PCYT1B: variants seen among roughly 807,000 people sequenced by gnomAD.
PCYT1B encodes choline-phosphate cytidylyltransferase B.
PCYT1B carries 10 observed loss-of-function variants against 26.4 expected under a neutral mutation model. The ratio of observed to expected loss-of-function variants is 0.38; its 90% CI spans 0.23 to 0.64. The LOEUF is 0.64. Ranked by LOEUF, PCYT1B falls within the 30% of genes least tolerant of loss-of-function variation. The probability of loss-of-function intolerance (pLI) is 0.56; values close to 1 mark genes in which losing one functional copy is unlikely to be tolerated. For synonymous variants in PCYT1B, 131 were observed against 108.4 expected (o/e 1.21, Z -1.29); for missense variants, 161 against 292.7 (o/e 0.55, Z 3.28).
chrX:24,573,097 TAC>T (rs1923895666), intron 7 of PCYT1B, among the ~76,000 whole-genome samples: 1 of 99,900 alleles, frequency 1.0e-5, no homozygotes, highest in African/African-American at 3.7e-5. Context: ...TACACACATA[TAC>T]ACACACATAT....
At chrX:24,570,013 A>G (rs1230118813) in intron 7 of PCYT1B, among the ~76,000 whole-genome samples, 1 of 108,825 alleles carries the variant, frequency 9.2e-6, no homozygotes, top group East Asian at 2.9e-4. Flanking sequence ...GCAAAACCCC[A>G]CCTCTACTAA....
chrX:24,625,298 G>A (rs1366418453), intron 1 of PCYT1B, among the ~76,000 whole-genome samples: 2 of 112,066 alleles, frequency 1.8e-5, no homozygotes, highest in Non-Finnish European at 3.8e-5. Context: ...ATACTGTTAG[G>A]TTTATATTTA....
chrX:24,627,174 T>C (rs1925909301), intron 1 of PCYT1B, among the ~76,000 whole-genome samples: 1 of 111,853 alleles, frequency 8.9e-6, no homozygotes, highest in South Asian at 3.7e-4. Context: ...CAGGAATAAC[T>C]AGAAGGCCAG....
At chrX:24,666,627 G>A (rs957839921) in intron 1 of PCYT1B, among the ~76,000 whole-genome samples, 1 of 110,361 alleles carries the variant, frequency 9.1e-6, no homozygotes, top group East Asian at 2.8e-4. Context: ...GTGTGTGTGT[G>A]TGTGTGTGTG....
intron 1 of PCYT1B, among the ~76,000 whole-genome samples, chrX:24,670,708 T>C (rs1242227845): frequency 8.9e-6 from 1 of 111,760 alleles, no homozygotes; most frequent in Non-Finnish European, 1.9e-5. Flanking sequence ...GGTCAGGAGC[T>C]TGAGTCCTTT....
intron 7 of PCYT1B, among the ~76,000 whole-genome samples, chrX:24,563,718 C>A (rs184966357): frequency 1.3e-4 from 15 of 111,490 alleles, no homozygotes; most frequent in Non-Finnish European, 7.5e-5. Context: ...ACATATCAGG[C>A]GGCAGTTTCA....
In PCYT1B at chrX:24,653,646, C is replaced by T. The variant is rs3761609; in HGVS notation, c.63+18924G>A. On this transcript the variant is annotated intron_variant, in intron 1 of 7. Transcript: ENST00000379145. ...CCCATGCTCCTGTATTTCCTGGAAT[C>T]GGATCATCTCCCAAATAAACTACTT... Among the ~76,000 whole-genome samples, 211 of 111,407 alleles carry T rather than the reference C, an allele frequency of 1.9e-3. 6 individuals are homozygous for T. The East Asian group carries it at 0.051, about 27-fold the overall frequency.
intron 6 of PCYT1B, among the ~76,000 whole-genome samples, 182 bp downstream of exon 6, chrX:24,579,134 A>G (rs1397834444): frequency 9.2e-6 from 1 of 108,567 alleles, no homozygotes; most frequent in East Asian, 2.9e-4. Context: ...AAAAAAAAAA[A>G]CAAGTTAAAT....
At chrX:24,584,434 G>C (rs1004066566) in intron 5 of PCYT1B, among the ~76,000 whole-genome samples, 1 of 112,440 alleles carries the variant, frequency 8.9e-6, no homozygotes, top group Admixed American at 9.4e-5. Flanking sequence ...TCCAGTTCCA[G>C]AGCAGACTTC....
intron 1 of PCYT1B, among the ~76,000 whole-genome samples, chrX:24,644,234 A>G (rs1280325294): frequency 1.8e-5 from 2 of 112,028 alleles, no homozygotes; most frequent in African/African-American, 6.5e-5. Flanking sequence ...ATAACCCTAC[A>G]GTGATCAAAG....
At chrX:24,628,259 A>T (rs1345444986) in intron 1 of PCYT1B, among the ~76,000 whole-genome samples, 2 of 111,489 alleles carry the variant, frequency 1.8e-5, no homozygotes, top group Admixed American at 1.9e-4. Context: ...CCCTGCTATT[A>T]GGGAAGCTCT....
chrX:24,592,790 T>C (rs964698668), intron 3 of PCYT1B, among the ~76,000 whole-genome samples: 10 of 111,966 alleles, frequency 8.9e-5, no homozygotes, highest in Admixed American at 3.8e-4. Flanking sequence ...CCTTGCAGTT[T>C]CTTGAATGCT....
At position 24,667,886 on chromosome X, in the gene PCYT1B, C is replaced by T. The variant is rs189934053; in HGVS notation, c.63+4684G>A. On this transcript the variant is annotated intron_variant, in intron 1 of 7. Coordinates refer to the PCYT1B transcript ENST00000379145. The stretch of plus-strand genomic sequence containing the variant: ...ACATTGTTTCTATTAATTTTTCTTT[C>T]CTCACTATGGCTAAAAATTTTCCTT... Among the ~76,000 whole-genome samples the T allele has an allele frequency of 8.2e-4, 92 of 111,604 alleles. No homozygotes were observed. In the South Asian group the frequency reaches 9.7e-3, roughly 12 times the overall value.
intron 1 of PCYT1B, among the ~76,000 whole-genome samples, chrX:24,672,057 G>T (rs1380947439): frequency 8.9e-6 from 1 of 112,007 alleles, no homozygotes; most frequent in Non-Finnish European, 1.9e-5. Context: ...AGCTACTTGG[G>T]AGGCTGAGGC....
At chrX:24,667,675 C>A (rs1476082980) in intron 1 of PCYT1B, among the ~76,000 whole-genome samples, 2 of 109,429 alleles carry the variant, frequency 1.8e-5, no homozygotes, top group Non-Finnish European at 3.8e-5. Context: ...TGAGATCGCA[C>A]CACTGCACTC....
intron 7 of PCYT1B, among the ~76,000 whole-genome samples, chrX:24,563,437 C>T (rs1386198919): frequency 8.9e-6 from 1 of 111,831 alleles, no homozygotes; most frequent in Admixed American, 9.4e-5. Context: ...GAGCATGGAA[C>T]GCACACCCAG....
chrX:24,632,386 C>G (rs1926122547), intron 1 of PCYT1B: 1 of 154,043 alleles, frequency 6.5e-6, no homozygotes, highest in Admixed American at 5.9e-5. Flanking sequence ...GGTATTGAAG[C>G]AGGTCCATCT....
At chrX:24,642,330 TTC>T (rs1193860936) in intron 1 of PCYT1B, among the ~76,000 whole-genome samples, 2 of 112,434 alleles carry the variant, frequency 1.8e-5, no homozygotes, top group African/African-American at 3.2e-5. Flanking sequence ...AGACTCAGTT[TTC>T]TCTCAGTTAT....
chrX:24,587,311 A>G lies in PCYT1B; in HGVS notation c.495T>C (p.Phe165=). ...PEFLEKHKID[F]VAHDDIPYSS... ...AATACGGAATGTCATCATGAGCCAC[A>G]AAGTCAATCTGTTGAAGAGAGAGAA... The change falls in exon 5 of 8, where the codon TTT becomes TTC. Residue 165 remains phenylalanine, a synonymous_variant. Coordinates refer to ENST00000379144, the MANE Select transcript of PCYT1B (RefSeq NM_004845.5). 8.4e-7 allele frequency: 1 copy of G among 1,188,810 alleles called. No homozygotes were observed. Among genetic ancestry groups the G allele is most frequent in the Non-Finnish European group, 1.1e-6 (1 of 874,824 alleles).
Sources: gnomAD v4.1 joint callset for allele counts (sites outside exome capture counted in the v4.1 genomes callset) on GRCh38, gnomAD v4.1.1 for gene constraint, MANE v1.5 for transcripts, NCBI Gene and HGNC (gene_info 2026-07-23, HGNC 2026-07-21) for gene names.